PDE1C: variants seen among roughly 807,000 people sequenced by gnomAD.
The protein encoded by PDE1C is dual specificity calcium/calmodulin-dependent 3',5'-cyclic nucleotide phosphodiesterase 1C.
In PDE1C, 62 loss-of-function variants were observed where a neutral mutation model predicts 93.1. The ratio of observed to expected loss-of-function variants is 0.67; its 90% CI spans 0.54 to 0.82. The LOEUF (loss-of-function observed/expected upper bound fraction) is 0.82, where lower values mean the gene tolerates loss of function less well. PDE1C is among the 40% of genes least tolerant of loss of function. The probability of loss-of-function intolerance (pLI) is 0.00; values close to 1 mark genes in which losing one functional copy is unlikely to be tolerated. For missense variants in PDE1C, 742 were observed against 884.6 expected (o/e 0.84, Z 2.04); for synonymous variants, 325 against 310.1 (o/e 1.05, Z -0.50).
chr7:31,627,952 A>G, the PDE1C span, among the ~76,000 whole-genome samples: 1 of 152,198 alleles, frequency 6.6e-6, no homozygotes, highest in Non-Finnish European at 1.5e-5. Context: ...AGTTTTAGAA[A>G]GGGGCTATTT....
At chr7:31,745,331 A>C in the PDE1C span, among the ~76,000 whole-genome samples, 1 of 152,210 alleles carries the variant, frequency 6.6e-6, no homozygotes, top group Admixed American at 6.5e-5. Flanking sequence ...ATTTGGTACC[A>C]CATCCTCTCA....
chr7:31,921,325 G>A (rs1437856995), intron 2 of PDE1C, among the ~76,000 whole-genome samples: 2 of 152,146 alleles, frequency 1.3e-5, no homozygotes, highest in Admixed American at 6.5e-5. Context: ...TGAACACAGC[G>A]GACACTGTGC....
At chr7:32,288,627 A>G (rs1204137082) in intron 1 of PDE1C, among the ~76,000 whole-genome samples, 6 of 152,210 alleles carry the variant, frequency 3.9e-5, no homozygotes, top group Admixed American at 6.5e-5. Context: ...ATTCCTCTCC[A>G]ATATTAACTG....
chr7:31,878,974 T>C (rs1796932275), intron 4 of PDE1C, 22 bp downstream of exon 4: 1 of 1,602,790 alleles, frequency 6.2e-7, no homozygotes. Context: ...AGTCACTAAA[T>C]GACAATGAAT....
chr7:31,911,244 CAACAAAATTAAATAA>C (rs1414392625), intron 2 of PDE1C, among the ~76,000 whole-genome samples: 1 of 152,002 alleles, frequency 6.6e-6, no homozygotes, highest in African/African-American at 2.4e-5. Context: ...CTATCTGAAT[CAACAAAATTAAATAA>C]TAACTAGGAT....
At chr7:32,144,773 G>T (rs1455664225) in intron 3 of PDE1C, among the ~76,000 whole-genome samples, 2 of 152,140 alleles carry the variant, frequency 1.3e-5, no homozygotes, top group African/African-American at 2.4e-5. Flanking sequence ...AGAGGTAGTG[G>T]ATTTTATTCT....
intron 3 of PDE1C, among the ~76,000 whole-genome samples, chr7:32,083,378 G>C (rs1193361754): frequency 6.6e-6 from 1 of 152,046 alleles, no homozygotes; most frequent in Non-Finnish European, 1.5e-5. Context: ...CGTCTGATTG[G>C]TGTACCTGAA....
chr7:31,939,024 A>G (rs1805465358), intron 2 of PDE1C, among the ~76,000 whole-genome samples: 1 of 152,198 alleles, frequency 6.6e-6, no homozygotes, highest in Non-Finnish European at 1.5e-5. Flanking sequence ...ATTCAGAAGC[A>G]TAATCCAAGT....
intron 1 of PDE1C, among the ~76,000 whole-genome samples, chr7:32,317,976 C>T (rs1323229268): frequency 6.6e-6 from 1 of 152,112 alleles, no homozygotes; most frequent in African/African-American, 2.4e-5. Flanking sequence ...TGATGCCTTA[C>T]CATAAAGAGA....
At chr7:32,045,266 C>T (rs1792391379) in intron 2 of PDE1C, among the ~76,000 whole-genome samples, 1 of 151,950 alleles carries the variant, frequency 6.6e-6, no homozygotes, top group South Asian at 2.1e-4. Flanking sequence ...ACATTAACTG[C>T]CCCAGGACTT....
chr7:31,958,289 A>C lies in PDE1C; in HGVS notation c.129-77429T>G, dbSNP rs374706526. ...CATAATGGTCTTCTTTAAAGATTAC[A>C]ATCATATTTAGACATGTTTCTGCCT... is the stretch of plus-strand genomic sequence containing the variant. On this transcript the variant is annotated intron_variant, in intron 2 of 17. Coordinates refer to ENST00000396191, the MANE Select transcript of PDE1C (RefSeq NM_001191057.4). 7.9e-5 allele frequency among the ~76,000 whole-genome samples: 12 copies of C among 152,322 alleles called. 3 individuals are homozygous for C. The highest frequency in any genetic ancestry group is 6.5e-5 in the Admixed American group (1 of 15,294).
chr7:31,693,301 C>G, the PDE1C span, among the ~76,000 whole-genome samples: 23 of 152,304 alleles, frequency 1.5e-4, no homozygotes, highest in Non-Finnish European at 1.5e-5. Flanking sequence ...GTTTGTACCT[C>G]AAGAGACCCA....
chr7:32,086,412 G>T (rs1387878377), intron 3 of PDE1C, among the ~76,000 whole-genome samples: 1 of 152,096 alleles, frequency 6.6e-6, no homozygotes, highest in Non-Finnish European at 1.5e-5. Flanking sequence ...TAAATATCGT[G>T]AAAATGGCCA....
intron 2 of PDE1C, among the ~76,000 whole-genome samples, chr7:32,194,561 C>G (rs1412398894): frequency 6.6e-6 from 1 of 152,204 alleles, no homozygotes; most frequent in African/African-American, 2.4e-5. Flanking sequence ...CTCTCTGCCT[C>G]TGCATTTTCT....
intron 5 of PDE1C, among the ~76,000 whole-genome samples, chr7:31,877,675 G>C (rs572961517): frequency 5.4e-5 from 8 of 147,654 alleles, no homozygotes; most frequent in Non-Finnish European, 1.0e-4. Context: ...ATTTGATCTC[G>C]TATGGCAAAA....
At chr7:32,063,640 G>A (rs1795054870) in intron 1 of PDE1C, among the ~76,000 whole-genome samples, 1 of 152,206 alleles carries the variant, frequency 6.6e-6, no homozygotes, top group Non-Finnish European at 1.5e-5. Flanking sequence ...CACTGTAAAT[G>A]TGAGAATCTA....
intron 1 of PDE1C, among the ~76,000 whole-genome samples, chr7:32,065,484 T>C (rs30593): frequency 0.62 from 93,495 of 151,990 alleles, 28,964 homozygotes; most frequent in Non-Finnish European, 0.66. Context: ...GTAGCTTCCT[T>C]CGCATCCCCC....
downstream of PDE1C, among the ~76,000 whole-genome samples, chr7:31,749,408 C>G (rs925174670): frequency 6.6e-6 from 1 of 152,156 alleles, no homozygotes; most frequent in African/African-American, 2.4e-5. Context: ...GAAACACTGC[C>G]ATTTCAAATC....
At chr7:32,206,122 A>G (rs529531430) in intron 2 of PDE1C, among the ~76,000 whole-genome samples, 1 of 152,242 alleles carries the variant, frequency 6.6e-6, no homozygotes, top group African/African-American at 2.4e-5. Flanking sequence ...CTGGACACAG[A>G]ATTCAAACCC....
Sources: allele counts gnomAD v4.1 joint callset (sites outside exome capture counted in the v4.1 genomes callset), GRCh38; gene constraint gnomAD v4.1.1; transcripts MANE v1.5; gene names NCBI Gene and HGNC (gene_info 2026-07-23, HGNC 2026-07-21).